Variants in FMN2 observed in about 807,000 individuals in gnomAD.
FMN2 encodes formin-2.
A neutral mutation model predicts 142.3 loss-of-function variants in FMN2; 51 were observed. The observed-to-expected ratio is 0.36, with a 90% confidence interval of 0.29 to 0.45. FMN2 has a LOEUF of 0.45. Among genes scored for constraint, FMN2 ranks in the 20% least tolerant of loss-of-function variants. The pLI is 1.00. For missense variants in FMN2, 1,936 were observed against 2,122.8 expected (o/e 0.91, Z 1.73); for synonymous variants, 882 against 869.8 (o/e 1.01, Z -0.25).
intron 15 of FMN2, among the ~76,000 whole-genome samples, chr1:240,437,443 C>A (rs1308495878): frequency 6.6e-6 from 1 of 151,854 alleles, no homozygotes; most frequent in South Asian, 2.1e-4. Context: ...CTACAGGTGC[C>A]CACCACCATG....
intron 8 of FMN2, among the ~76,000 whole-genome samples, chr1:240,305,329 A>G (rs1670348248): frequency 6.6e-6 from 1 of 152,220 alleles, no homozygotes; most frequent in Non-Finnish European, 1.5e-5. Flanking sequence ...TACAAGATAT[A>G]TTCAATCTAG....
At chr1:240,195,452 A>AT (rs1272899684) in intron 4 of FMN2, among the ~76,000 whole-genome samples, 1 of 152,228 alleles carries the variant, frequency 6.6e-6, no homozygotes, top group Non-Finnish European at 1.5e-5. Context: ...GCAAAAACAC[A>AT]TGTCAGATAA....
chr1:240,178,014 G>A lies in FMN2; in HGVS notation c.1876G>A (p.Gly626Arg). Residue 626 changes from glycine (G) to arginine (R), a missense_variant, in exon 3 of 18, where the codon GGG becomes AGG. Coordinates refer to ENST00000319653, the MANE Select transcript of FMN2 (RefSeq NM_020066.5). ...GQFPRRVPSM[G>R]PPSKPPDEEH... ...GTTTCCTAGGCGAGTTCCATCCATG[G>A]GGCCACCATCCAAACCTCCCGATGA... is the stretch of plus-strand genomic sequence containing the variant. The A allele has an allele frequency of 6.2e-7, 1 of 1,612,240 alleles. No individual in the cohort carries two copies. The highest frequency in any genetic ancestry group is 1.7e-5 in the Admixed American group (1 of 59,544).
intron 13 of FMN2, among the ~76,000 whole-genome samples, chr1:240,339,487 G>A (rs1479887570): frequency 2.0e-5 from 3 of 151,682 alleles, no homozygotes; most frequent in African/African-American, 7.3e-5. Flanking sequence ...ATTCTCCATG[G>A]ATAAGGGAAC....
chr1:240,272,832 A>C (rs144526471), intron 7 of FMN2, among the ~76,000 whole-genome samples: 1 of 152,334 alleles, frequency 6.6e-6, no homozygotes, highest in African/African-American at 2.4e-5. Context: ...ACGGTCAAAC[A>C]TGAATACAGC....
chr1:240,226,331 TACTA>T (rs1667296821), intron 6 of FMN2, among the ~76,000 whole-genome samples: 1 of 152,120 alleles, frequency 6.6e-6, no homozygotes, highest in Non-Finnish European at 1.5e-5. Context: ...ACCCCAATAA[TACTA>T]ACAGCAGACT....
chr1:240,346,668 G>A (rs1457428467), intron 13 of FMN2, among the ~76,000 whole-genome samples: 1 of 152,124 alleles, frequency 6.6e-6, no homozygotes, highest in East Asian at 1.9e-4. Flanking sequence ...TACATGTTAT[G>A]TATGCTCCGT....
In FMN2 at chr1:240,317,584, T is replaced by C. The variant is rs1558429629; in HGVS notation, c.4216-11492T>C. Among the ~76,000 whole-genome samples, 3 of 152,288 alleles carry C rather than the reference T, an allele frequency of 2.0e-5. No homozygotes were observed. The East Asian group carries it at 5.8e-4, about 29-fold the overall frequency. On this transcript the variant is annotated intron_variant, in intron 8 of 17. Coordinates refer to ENST00000319653, the MANE Select transcript of FMN2 (RefSeq NM_020066.5). ...TTGAGTGCCTCAGTAGTTCATTTCA[T>C]TTTATTGTTGAGTAGTATTTCATGG...
intron 16 of FMN2, among the ~76,000 whole-genome samples, chr1:240,441,723 C>A (rs573057098): frequency 1.3e-5 from 2 of 150,608 alleles, no homozygotes; most frequent in African/African-American, 4.9e-5. Context: ...GGATTAGTGT[C>A]CTCATATCTG....
At chr1:240,263,767 G>A (rs716603) in intron 7 of FMN2, among the ~76,000 whole-genome samples, 61,531 of 151,814 alleles carry the variant, frequency 0.41, 12,885 homozygotes, top group East Asian at 0.55. Flanking sequence ...AGTCTGACAC[G>A]TTAAACTTAC....
intron 8 of FMN2, among the ~76,000 whole-genome samples, chr1:240,305,853 A>G (rs1243038860): frequency 6.6e-6 from 1 of 152,168 alleles, no homozygotes; most frequent in African/African-American, 2.4e-5. Flanking sequence ...TTAGTAGTGT[A>G]GCATCATTAT....
intron 6 of FMN2, among the ~76,000 whole-genome samples, chr1:240,253,761 T>G (rs1668357635): frequency 6.6e-6 from 1 of 152,224 alleles, no homozygotes; most frequent in African/African-American, 2.4e-5. Context: ...GGGAGGACTT[T>G]TTCCTGAAGA....
rs138406347 is a variant in FMN2 at position 240,394,012 on chromosome 1, G to A, written c.4910+1450G>A. Among the ~76,000 whole-genome samples, 246 of 152,222 alleles carry A rather than the reference G, an allele frequency of 1.6e-3. 2 individuals are homozygous for A. The highest frequency in any genetic ancestry group is 5.8e-3 in the African/African-American group (240 of 41,546). ...ATCTCCCTGACTAACTAAAATTAGG[G>A]ATTTATATAGCAGGGAAGAAATGTA... On this transcript the variant is annotated intron_variant, in intron 15 of 17. Coordinates refer to ENST00000319653, the MANE Select transcript of FMN2 (RefSeq NM_020066.5).
intron 16 of FMN2, among the ~76,000 whole-genome samples, chr1:240,459,609 C>G (rs1028965873): frequency 1.3e-5 from 2 of 150,842 alleles, no homozygotes; most frequent in African/African-American, 2.4e-5. Context: ...TGCAGCTACT[C>G]AGGAGGCTGA....
At chr1:240,295,552 ATTATG>A (rs1669944092) in intron 8 of FMN2, among the ~76,000 whole-genome samples, 2 of 95,830 alleles carry the variant, frequency 2.1e-5, no homozygotes, top group Non-Finnish European at 4.5e-5. Flanking sequence ...TTCACTTAGC[ATTATG>A]CCCTCCAGGT....
chr1:240,281,792 T>C (rs1369551308), intron 7 of FMN2, among the ~76,000 whole-genome samples: 1 of 152,176 alleles, frequency 6.6e-6, no homozygotes, highest in African/African-American at 2.4e-5. Context: ...TATTTGTGCA[T>C]TTCTTACTGT....
intron 15 of FMN2, among the ~76,000 whole-genome samples, chr1:240,427,199 T>TTTTTTG (rs1558485050): frequency 2.4e-5 from 3 of 126,260 alleles, no homozygotes; most frequent in Admixed American, 1.4e-4. Flanking sequence ...ATATGGTTTT[T>TTTTTTG]TTTTTGTTTT....
chr1:240,212,323 C>A (rs573754872), intron 6 of FMN2, among the ~76,000 whole-genome samples: 1 of 152,132 alleles, frequency 6.6e-6, no homozygotes, highest in Non-Finnish European at 1.5e-5. Context: ...CCCTGTGACC[C>A]GTAGTTGGCT....
intron 16 of FMN2, among the ~76,000 whole-genome samples, chr1:240,450,042 TC>T (rs1216620154): frequency 6.6e-6 from 1 of 152,126 alleles, no homozygotes; most frequent in Non-Finnish European, 1.5e-5. Flanking sequence ...TTATAAGTAT[TC>T]TTTGACCAAT....
Sources: gnomAD v4.1 joint callset for allele counts (sites outside exome capture counted in the v4.1 genomes callset) on GRCh38, gnomAD v4.1.1 for gene constraint, MANE v1.5 for transcripts, NCBI Gene and HGNC (gene_info 2026-07-23, HGNC 2026-07-21) for gene names.